The following ETNK2 variants were observed in gnomAD, a reference collection of about 807,000 sequenced individuals.
ETNK2 encodes the protein ethanolamine kinase 2, also known as ethanolamine kinase-like protein.
Under a neutral mutation model 46.2 loss-of-function variants are expected in ETNK2, and 33 were observed. The ratio of observed to expected loss-of-function variants is 0.71; its 90% CI spans 0.54 to 0.96. The LOEUF is 0.96. Ranked by LOEUF, ETNK2 falls within the 40% of genes least tolerant of loss-of-function variation. The pLI is 0.00. For synonymous variants in ETNK2, 194 were observed against 209.0 expected (o/e 0.93, Z 0.62); for missense variants, 445 against 509.7 (o/e 0.87, Z 1.22).
intron 5 of ETNK2, among the ~76,000 whole-genome samples, chr1:204,138,413 G>C (rs1260866448): frequency 1.3e-5 from 2 of 152,200 alleles, no homozygotes; most frequent in Non-Finnish European, 2.9e-5. Context: ...TGGGCAAGGA[G>C]GACTTAAAAT....
At chr1:204,134,347 C>T (rs1354568276) in intron 7 of ETNK2, among the ~76,000 whole-genome samples, 168 bp downstream of exon 7, 1 of 152,200 alleles carries the variant, frequency 6.6e-6, no homozygotes, top group Non-Finnish European at 1.5e-5. Flanking sequence ...ACTTTCCTGG[C>T]ATCCCCTGGG....
At chr1:204,134,030 C>T (rs924520363) in intron 7 of ETNK2, among the ~76,000 whole-genome samples, 4 of 152,188 alleles carry the variant, frequency 2.6e-5, no homozygotes, top group African/African-American at 7.2e-5. Flanking sequence ...ACACAAGCAG[C>T]GGCTAGCTAC....
chr1:204,141,222 T>C, intron 4 of ETNK2, 93 bp downstream of exon 4: 1 of 1,514,226 alleles, frequency 6.6e-7, no homozygotes, highest in Non-Finnish European at 9.2e-7. Context: ...TAACTTTTGC[T>C]TGTCCAAGTG....
In ETNK2 at chr1:204,149,917, C is replaced by T. The variant is rs530687373; in HGVS notation, c.304G>A (p.Glu102Lys). Reference sequence around the variant, plus strand: ...AGCACGCAGTCCTGCATGTCCTCCTCCACATAGCAGGCCACCAGCTTGTTG... The same window carrying T: ...AGCACGCAGTCCTGCATGTCCTCCTTCACATAGCAGGCCACCAGCTTGTTG... ...ITNKLVACYV[E>K]EDMQDCVLVR... is the part of the protein sequence containing the mutation. Residue 102 changes from glutamate to lysine, a missense_variant, in exon 2 of 8, where the codon GAG becomes AAG. Glu to Lys is a moderately conservative substitution (Grantham distance 56). Transcript: ENST00000367202. 7 of 1,565,188 alleles carry T rather than the reference C, an allele frequency of 4.5e-6. No homozygotes were observed. The African/African-American group carries it at 6.8e-5, about 15-fold the overall frequency.
chr1:204,137,107 G>C lies in ETNK2; in HGVS notation c.1011C>G (p.Ala337=). 6.2e-7 allele frequency: 1 copy of C among 1,613,674 alleles called. No homozygotes were observed. Among genetic ancestry groups the C allele is most frequent in the Non-Finnish European group, 8.5e-7 (1 of 1,179,732 alleles). The part of the protein sequence containing the change: ...QRLYVQVNKF[A]LASHFFWALW... ...GCCCTAGAAATAAGGCACTCACCAG[G>C]GCAAACTTGTTGACTTGCACGTAGA... is the stretch of plus-strand genomic sequence containing the variant. Residue 337 remains alanine, a synonymous_variant, in exon 6 of 8, where the codon GCC becomes GCG. Coordinates refer to ENST00000367202, the MANE Select transcript of ETNK2 (RefSeq NM_018208.4).
At position 204,140,089 on chromosome 1, in the gene ETNK2, C is replaced by T. The variant is rs1188802270; in HGVS notation, c.814G>A (p.Ala272Thr). ...GHVRFIDYEY[A>T]GYNYQAFDIG... ...TCAAAAGCTTGGTAGTTGTAGCCAGCATATTCATAGTCAATGAACCGCACG... is the reference window on the plus strand; with the variant it reads ...TCAAAAGCTTGGTAGTTGTAGCCAGTATATTCATAGTCAATGAACCGCACG... Residue 272 changes from alanine (A) to threonine (T), a missense_variant, in exon 5 of 8, where the codon GCT becomes ACT. By Grantham distance (58) the Ala-to-Thr change is moderately conservative (BLOSUM62 0). Coordinates refer to ENST00000367202, the MANE Select transcript of ETNK2 (RefSeq NM_018208.4). The T allele has an allele frequency of 1.1e-5, 18 of 1,613,818 alleles. No individual in the cohort carries two copies. Among genetic ancestry groups the T allele is most frequent in the Non-Finnish European group, 8.5e-7 (1 of 1,179,864 alleles).
intron 3 of ETNK2, chr1:204,141,747 A>G: frequency 2.5e-6 from 1 of 393,390 alleles, no homozygotes; most frequent in South Asian, 3.2e-5. Context: ...ACTTTGTGAA[A>G]GGAACAGGAG....
chr1:204,141,493 G>A (rs2102291489), intron 3 of ETNK2, 36 bp from the exon 4 acceptor site: 1 of 1,552,232 alleles, frequency 6.4e-7, no homozygotes. Context: ...AGTGAAAGGA[G>A]GGCTGATAGA....
intron 5 of ETNK2, among the ~76,000 whole-genome samples, chr1:204,137,472 G>A (rs913789717): frequency 3.9e-5 from 6 of 152,204 alleles, no homozygotes; most frequent in Non-Finnish European, 8.8e-5. Context: ...GTGGGATTGA[G>A]GAAAGCAGAG....
intron 3 of ETNK2, among the ~76,000 whole-genome samples, chr1:204,144,220 C>A (rs1004045669): frequency 3.3e-5 from 5 of 151,668 alleles, no homozygotes; most frequent in Non-Finnish European, 5.9e-5. Context: ...GTGGTGGGCA[C>A]CAGTAATCCC....
At chr1:204,136,167 G>A (rs1167437226) in intron 6 of ETNK2, among the ~76,000 whole-genome samples, 1 of 152,100 alleles carries the variant, frequency 6.6e-6, no homozygotes, top group African/African-American at 2.4e-5. Flanking sequence ...AGGCTGAGGT[G>A]GGAGGATCAT....
intron 3 of ETNK2, among the ~76,000 whole-genome samples, chr1:204,146,379 C>A (rs1657780772): frequency 6.6e-6 from 1 of 152,196 alleles, no homozygotes; most frequent in African/African-American, 2.4e-5. Context: ...GTCCCCAACC[C>A]TGGTCCCTGC....
chr1:204,151,655 C>A lies in ETNK2; in HGVS notation c.198G>T (p.Gly66=). The A allele has an allele frequency of 1.3e-6, 2 of 1,549,184 alleles. No individual in the cohort carries two copies. The highest frequency in any genetic ancestry group is 1.7e-6 in the Non-Finnish European group (2 of 1,146,328). Residue 66 remains glycine, a synonymous_variant, in exon 1 of 8, where the codon GGG becomes GGT. Transcript: ENST00000367202. The surrounding 1 kb of genome is among the most constrained non-coding windows in gnomAD (Gnocchi z 8.0). ...ISVDPDDILP[G]ALRLIQELRP... ...GCAGCTCCTGGATGAGGCGCAGGGC[C>A]CCGGGAAGGATGTCGTCCGGGTCCA...
At chr1:204,149,637 T>G in intron 2 of ETNK2, 66 bp downstream of exon 2, 1 of 1,503,186 alleles carries the variant, frequency 6.7e-7, no homozygotes, top group Non-Finnish European at 8.9e-7. Context: ...GGACCCCACA[T>G]GCCAAGGATT....
Position 204,146,677 on chromosome 1 carries a change from A to G in ETNK2, c.606T>C (p.Asn202=), listed in dbSNP as rs1197442321. 2 of 1,614,054 alleles carry G rather than the reference A, an allele frequency of 1.2e-6. No homozygotes were observed. The highest frequency in any genetic ancestry group is 2.2e-5 in the East Asian group (1 of 44,882). ...TCTCGTTCTTCACAAGCGTGAAATAATTGTGCATCTTGTGCCAGAGGATGG... is the reference window on the plus strand; with the variant it reads ...TCTCGTTCTTCACAAGCGTGAAATAGTTGTGCATCTTGTGCCAGAGGATGG... ...PKPILWHKMH[N]YFTLVKNEIN... is the part of the protein sequence containing the mutation. The change falls in exon 3 of 8, where the codon AAT becomes AAC. Residue 202 remains asparagine (N), a synonymous_variant. Coordinates refer to ENST00000367202, the MANE Select transcript of ETNK2 (RefSeq NM_018208.4).
chr1:204,148,751 G>A (rs1205078338), intron 2 of ETNK2, among the ~76,000 whole-genome samples: 1 of 152,204 alleles, frequency 6.6e-6, no homozygotes, highest in African/African-American at 2.4e-5. Flanking sequence ...GGTTAAGTGG[G>A]TGGCAGGTGA....
Position 204,146,692 on chromosome 1 carries a change from C to T in ETNK2, c.591G>A (p.Trp197Ter). 2 of 1,613,992 alleles carry T rather than the reference C, an allele frequency of 1.2e-6. No homozygotes were observed. The highest frequency in any genetic ancestry group is 1.7e-6 in the Non-Finnish European group (2 of 1,179,892). The change falls in exon 3 of 8, where the codon TGG (tryptophan) becomes TGA (stop). Residue 197 changes from tryptophan to a stop codon, truncating the protein, a stop_gained. Coordinates refer to ENST00000367202, the MANE Select transcript of ETNK2 (RefSeq NM_018208.4). LOFTEE classifies it high-confidence loss of function. ...GCGTGAAATAATTGTGCATCTTGTG[C>T]CAGAGGATGGGCTTGGGCAGGCTGC... ...ANGSLPKPIL[W>*]HKMHNYFTLV... is the part of the protein sequence containing the mutation.
At chr1:204,132,708 C>T (rs1358633779) in intron 7 of ETNK2, among the ~76,000 whole-genome samples, 1 of 152,164 alleles carries the variant, frequency 6.6e-6, no homozygotes, top group Admixed American at 6.5e-5. Flanking sequence ...ACTGGGATTA[C>T]AGGCATGAGC....
At chr1:204,144,564 T>A (rs77592335) in intron 3 of ETNK2, among the ~76,000 whole-genome samples, 8,822 of 152,136 alleles carry the variant, frequency 0.058, 313 homozygotes, top group South Asian at 0.11. Flanking sequence ...TAGAGGACTT[T>A]CTTCCTAAAG....
Sources: allele counts gnomAD v4.1 joint callset (sites outside exome capture counted in the v4.1 genomes callset), GRCh38; gene constraint gnomAD v4.1.1; non-coding constraint Gnocchi (gnomAD v3.1); transcripts MANE v1.5; gene names NCBI Gene and HGNC (gene_info 2026-07-23, HGNC 2026-07-21).